The following TEX11 variants were observed in gnomAD, a reference collection of about 807,000 sequenced individuals.
TEX11 encodes testis expressed 11, also known as testis-expressed protein 11.
A neutral mutation model predicts 84.4 loss-of-function variants in TEX11; 7 were observed. The observed-to-expected ratio is 0.08, with a 90% CI of 0.05 to 0.16. The LOEUF (loss-of-function observed/expected upper bound fraction) is 0.16, where lower values mean the gene tolerates loss of function less well. Ranked by LOEUF, TEX11 falls within the 10% of genes least tolerant of loss-of-function variation. The pLI is 1.00. For missense variants in TEX11, 551 were observed against 660.5 expected, an observed-to-expected ratio of 0.83 and a Z score of 1.82; for synonymous variants, 264 against 222.8, an observed-to-expected ratio of 1.18 and a Z score of -1.64.
chrX:70,794,376 C>T (rs532336921), intron 9 of TEX11, among the ~76,000 whole-genome samples: 2 of 111,418 alleles, frequency 1.8e-5, no homozygotes, highest in South Asian at 3.8e-4. Context: ...TCATTGCTGT[C>T]GGCTAAAGTG....
intron 13 of TEX11, among the ~76,000 whole-genome samples, chrX:70,704,832 A>C (rs188313724): frequency 8.9e-6 from 1 of 111,835 alleles, no homozygotes; most frequent in Admixed American, 9.5e-5. Flanking sequence ...AAATGTTTAA[A>C]AAAAAAAGAT....
chrX:70,542,613 G>C (rs1015009372), intron 28 of TEX11, among the ~76,000 whole-genome samples: 7 of 111,957 alleles, frequency 6.3e-5, no homozygotes, highest in African/African-American at 1.9e-4. Flanking sequence ...TTGTACGAGA[G>C]AGTGGACGTA....
intron 22 of TEX11, among the ~76,000 whole-genome samples, chrX:70,607,811 A>C (rs965126433): frequency 1.8e-5 from 2 of 112,229 alleles, no homozygotes; most frequent in Non-Finnish European, 3.8e-5. Flanking sequence ...TCCAAATTAA[A>C]ATGCAGTAAA....
At chrX:70,696,289 T>C (rs1310171801) in intron 13 of TEX11, among the ~76,000 whole-genome samples, 2 of 111,754 alleles carry the variant, frequency 1.8e-5, no homozygotes, top group African/African-American at 3.3e-5. Context: ...TGCTGGACTT[T>C]AGCTCACAAA....
At chrX:70,691,232 G>A (rs2090231589) in intron 13 of TEX11, among the ~76,000 whole-genome samples, 1 of 111,611 alleles carries the variant, frequency 9.0e-6, no homozygotes, top group Non-Finnish European at 1.9e-5. Flanking sequence ...AAATGGTACA[G>A]CCACTATGGA....
At chrX:70,645,117 A>T (rs1166727093) in intron 17 of TEX11, among the ~76,000 whole-genome samples, 1 of 110,168 alleles carries the variant, frequency 9.1e-6, no homozygotes, top group Non-Finnish European at 1.9e-5. Flanking sequence ...AATGTGAACA[A>T]ATAATGAATA....
At chrX:70,904,510 A>G (rs1182823121) in intron 2 of TEX11, among the ~76,000 whole-genome samples, 1 of 112,558 alleles carries the variant, frequency 8.9e-6, no homozygotes, top group Non-Finnish European at 1.9e-5. Flanking sequence ...AAATTGTAAA[A>G]TTTTAAAAGT....
intron 11 of TEX11, among the ~76,000 whole-genome samples, chrX:70,729,952 G>C (rs2090632283): frequency 8.9e-6 from 1 of 112,574 alleles, no homozygotes; most frequent in South Asian, 3.6e-4. Context: ...CAGACTAACA[G>C]CTGATCTCTC....
chrX:70,670,265 G>A (rs2090010914), intron 16 of TEX11, 112 bp downstream of exon 16: 1 of 819,111 alleles, frequency 1.2e-6, no homozygotes, highest in Non-Finnish European at 1.7e-6. Context: ...CTATATGAGG[G>A]AACTCTCAGA....
chrX:70,733,328 T>C (rs2090669418), intron 11 of TEX11, among the ~76,000 whole-genome samples: 1 of 111,492 alleles, frequency 9.0e-6, no homozygotes. Flanking sequence ...AAAGAGCTTC[T>C]GCACAGCAAA....
chrX:70,823,991 G>T (rs2091331761), intron 8 of TEX11, among the ~76,000 whole-genome samples: 1 of 111,595 alleles, frequency 9.0e-6, no homozygotes, highest in Non-Finnish European at 1.9e-5. Context: ...CTGCACTCCA[G>T]CCTGGGCGAC....
chrX:70,859,433 T>A (rs1240607291), intron 5 of TEX11, among the ~76,000 whole-genome samples: 1 of 99,149 alleles, frequency 1.0e-5, no homozygotes, highest in Non-Finnish European at 2.0e-5. Flanking sequence ...AAAAAAAAAA[T>A]TAGCTGGGCA....
chrX:70,729,407 T>A (rs1032843008), intron 11 of TEX11, among the ~76,000 whole-genome samples: 16 of 111,020 alleles, frequency 1.4e-4, no homozygotes, highest in African/African-American at 4.6e-4. Context: ...GTTAAAAACC[T>A]TGAAAAAAAA....
intron 9 of TEX11, among the ~76,000 whole-genome samples, chrX:70,762,693 C>T (rs751255501): frequency 9.9e-5 from 11 of 111,218 alleles, no homozygotes; most frequent in Non-Finnish European, 1.5e-4. Flanking sequence ...CTGTCTTCCA[C>T]GAAACTGGTC....
intron 11 of TEX11, 101 bp downstream of exon 11, chrX:70,740,600 T>G: frequency 4.1e-5 from 20 of 483,075 alleles, no homozygotes; most frequent in Non-Finnish European, 6.1e-5. Flanking sequence ...TAACAATCTG[T>G]GAGAGTAAAT....
At chrX:70,731,446 A>G (rs1434485857) in intron 11 of TEX11, among the ~76,000 whole-genome samples, 9 of 110,769 alleles carry the variant, frequency 8.1e-5, no homozygotes, top group Non-Finnish European at 1.5e-4. Context: ...AATCAAATAG[A>G]CGCAATAAAA....
intron 8 of TEX11, among the ~76,000 whole-genome samples, chrX:70,813,535 G>A (rs1282804342): frequency 9.0e-6 from 1 of 111,262 alleles, no homozygotes; most frequent in Non-Finnish European, 1.9e-5. Flanking sequence ...TTGAAAACTG[G>A]CACAAGAGAG....
intron 20 of TEX11, among the ~76,000 whole-genome samples, chrX:70,620,572 T>C (rs1208864639): frequency 9.0e-6 from 1 of 111,544 alleles, no homozygotes; most frequent in East Asian, 2.8e-4. Flanking sequence ...CAAACATACA[T>C]AGTCTTACCA....
At chrX:70,741,599 A>G (rs746964071) in intron 10 of TEX11, among the ~76,000 whole-genome samples, 1 of 111,807 alleles carries the variant, frequency 8.9e-6, no homozygotes, top group East Asian at 2.8e-4. Context: ...CACCTCAAAT[A>G]AATGACTGCT....
Sources: allele counts gnomAD v4.1 joint callset (sites outside exome capture counted in the v4.1 genomes callset), GRCh38; gene constraint gnomAD v4.1.1; transcripts MANE v1.5; gene names NCBI Gene and HGNC (gene_info 2026-07-23, HGNC 2026-07-21).